Variants in ETNK1 observed in about 807,000 individuals in gnomAD.
ETNK1 encodes the protein putative protein product of Nbla10396.
In ETNK1, 8 loss-of-function variants were observed where a neutral mutation model predicts 45.1. The ratio of observed to expected loss-of-function variants is 0.18; its 90% CI spans 0.10 to 0.32. The LOEUF is 0.32. Ranked by LOEUF, ETNK1 falls within the 10% of genes least tolerant of loss-of-function variation. The pLI is 1.00. For missense variants in ETNK1, 302 were observed against 430.6 expected (o/e 0.70, Z 2.64); for synonymous variants, 152 against 151.9 (o/e 1.00, Z -0.01).
intron 4 of ETNK1, among the ~76,000 whole-genome samples, chr12:22,670,327 C>CT (rs1467324663): frequency 1.3e-5 from 2 of 151,282 alleles, no homozygotes; most frequent in East Asian, 3.9e-4. Flanking sequence ...CCCTGTAAGC[C>CT]TTTGAGTTTG....
rs560711958 is a variant in ETNK1, at chr12:22,655,368, C to T, written c.417-3646C>T. On this transcript the variant is annotated intron_variant, in intron 2 of 7. Coordinates refer to ENST00000266517, the MANE Select transcript of ETNK1 (RefSeq NM_018638.5). Reference sequence around the variant, plus strand: ...TTTTTTTTTTCGAGACGGAGTCTCGCTCTTGTTGCCCAGGCTGGAGTGCAG... The same window carrying T: ...TTTTTTTTTTCGAGACGGAGTCTCGTTCTTGTTGCCCAGGCTGGAGTGCAG... Among the ~76,000 whole-genome samples, 3 of 134,080 alleles carry T rather than the reference C, an allele frequency of 2.2e-5. 1 individual carries two copies. The highest frequency in any genetic ancestry group is 4.6e-4 in the South Asian group (2 of 4,372). The allele number at this position is 134,080 out of a possible 152,430, so 88.0% of individuals were successfully genotyped here. A position where few individuals can be genotyped will look rare whatever the true frequency, so the allele number is the denominator to read the frequency against.
intron 1 of ETNK1, 61 bp from the exon 2 acceptor site, chr12:22,643,702 T>G: frequency 2.1e-6 from 3 of 1,400,956 alleles, no homozygotes; most frequent in Non-Finnish European, 2.9e-6. Context: ...TCAATTTATC[T>G]CCTGTTCTCT....
chr12:22,682,481 A>T (rs1241806509), intron 6 of ETNK1: 1 of 281,302 alleles, frequency 3.6e-6, no homozygotes, highest in Non-Finnish European at 7.2e-6. Context: ...AATTCAACTC[A>T]AAAGTCAGTT....
Position 22,625,284 on chromosome 12 carries a change from C to T in ETNK1, c.-147C>T, listed in dbSNP as rs1255404670. 1 of 1,608,756 alleles carries T rather than the reference C, an allele frequency of 6.2e-7. No homozygotes were observed. The highest frequency in any genetic ancestry group is 1.1e-5 in the South Asian group (1 of 90,610). ...CAACAGTGCCGCCTCCAGACGTTCTCCTGCCGCTCGCCCGCCCGTCCCAGC... is the reference window on the plus strand; with the variant it reads ...CAACAGTGCCGCCTCCAGACGTTCTTCTGCCGCTCGCCCGCCCGTCCCAGC... On this transcript the variant is annotated 5_prime_UTR_variant, in exon 1 of 8. Coordinates refer to ENST00000266517, the MANE Select transcript of ETNK1 (RefSeq NM_018638.5).
intron 1 of ETNK1, 95 bp downstream of exon 1, chr12:22,625,681 G>C (rs1953484012): frequency 2.7e-6 from 4 of 1,494,810 alleles, no homozygotes; most frequent in East Asian, 2.5e-5. Context: ...TGACCGAGGA[G>C]GACCTAGGGC....
chr12:22,679,801 A>G (rs968850808), intron 6 of ETNK1, among the ~76,000 whole-genome samples: 1 of 151,412 alleles, frequency 6.6e-6, no homozygotes, highest in Non-Finnish European at 1.5e-5. Context: ...CCTGGATTCA[A>G]GCAGTTCTCT....
chr12:22,666,473 C>G (rs1954054915), intron 4 of ETNK1, among the ~76,000 whole-genome samples: 2 of 152,092 alleles, frequency 1.3e-5, no homozygotes, highest in African/African-American at 4.8e-5. Context: ...TTCAACTAAT[C>G]ATTTAACTAC....
At chr12:22,655,260 G>A (rs1246693034) in intron 2 of ETNK1, among the ~76,000 whole-genome samples, 2 of 151,880 alleles carry the variant, frequency 1.3e-5, no homozygotes, top group East Asian at 1.9e-4. Context: ...GAGCCACTGC[G>A]CCCGGCCAAC....
intron 6 of ETNK1, among the ~76,000 whole-genome samples, chr12:22,678,487 T>C (rs1287808623): frequency 6.6e-6 from 1 of 152,218 alleles, no homozygotes; most frequent in Non-Finnish European, 1.5e-5. Context: ...ATGATCAAAG[T>C]CTGGTTTCAT....
At chr12:22,655,354 G>A (rs1278606766) in intron 2 of ETNK1, among the ~76,000 whole-genome samples, 1 of 98,284 alleles carries the variant, frequency 1.0e-5, no homozygotes, top group East Asian at 2.6e-4. Flanking sequence ...TTTTTTTTTC[G>A]AGACGGAGTC....
rs200423922 is a variant in ETNK1 at position 22,642,775 on chromosome 12, G to A, written c.157-988G>A. Among the ~76,000 whole-genome samples the A allele has an allele frequency of 6.6e-5, 10 of 151,520 alleles. No homozygotes were observed. The South Asian group carries it at 1.5e-3, about 22-fold the overall frequency. Reference sequence around the variant, plus strand: ...AAAAATGTTCTGAATTCTTGCTTTCGCTTTTCTCTTTTCTTCCTTTGTTCC... The same window carrying A: ...AAAAATGTTCTGAATTCTTGCTTTCACTTTTCTCTTTTCTTCCTTTGTTCC... On this transcript the variant is annotated intron_variant, in intron 1 of 7. Transcript: ENST00000266517.
intron 6 of ETNK1, 138 bp downstream of exon 6, chr12:22,673,798 A>G: frequency 1.2e-6 from 1 of 866,250 alleles, no homozygotes; most frequent in Non-Finnish European, 1.7e-6. Context: ...ATGACCATTT[A>G]CAGTATGCAT....
At chr12:22,627,780 G>A (rs1418338708) in intron 1 of ETNK1, among the ~76,000 whole-genome samples, 3 of 151,692 alleles carry the variant, frequency 2.0e-5, no homozygotes, top group Non-Finnish European at 4.4e-5. Flanking sequence ...TAACATTTTT[G>A]TATGTTTAAG....
intron 1 of ETNK1, among the ~76,000 whole-genome samples, chr12:22,639,746 C>T (rs1461489076): frequency 6.6e-6 from 1 of 151,982 alleles, no homozygotes; most frequent in African/African-American, 2.4e-5. Flanking sequence ...TTTCATATTG[C>T]ATCACATCAG....
chr12:22,684,746 G>A, intron 7 of ETNK1, 136 bp from the exon 8 acceptor site: 3 of 754,982 alleles, frequency 4.0e-6, no homozygotes, highest in Non-Finnish European at 4.3e-6. Context: ...CCAGTAGGTG[G>A]TGCAATAAAC....
intron 1 of ETNK1, among the ~76,000 whole-genome samples, chr12:22,629,713 TGTA>T (rs1437085362): frequency 1.1e-4 from 17 of 152,136 alleles, no homozygotes; most frequent in African/African-American, 4.1e-4. Context: ...GGTAAGCTAA[TGTA>T]GTAAGTTACG....
intron 4 of ETNK1, 73 bp from the exon 5 acceptor site, chr12:22,671,199 A>C: frequency 1.9e-6 from 2 of 1,051,546 alleles, no homozygotes; most frequent in Non-Finnish European, 3.0e-6. Flanking sequence ...AAGCTATTTA[A>C]TTACAAATAG....
At chr12:22,683,365 A>G (rs1232745037) in intron 6 of ETNK1, among the ~76,000 whole-genome samples, 1 of 151,924 alleles carries the variant, frequency 6.6e-6, no homozygotes, top group Non-Finnish European at 1.5e-5. Context: ...AGTGATCACC[A>G]GCCTCCTGAA....
rs749131482 is a variant in ETNK1 at position 22,673,560 on chromosome 12, G to T, written c.845G>T (p.Arg282Leu). Reference sequence around the variant, plus strand: ...AGAGAACTACAGAGTCAGTGGCTGCGTGCTTACCTTGAAGCCTACAAAGAA... The same window carrying T: ...AGAGAACTACAGAGTCAGTGGCTGCTTGCTTACCTTGAAGCCTACAAAGAA... ...PDRELQSQWL[R>L]AYLEAYKEFK... is the part of the protein sequence containing the mutation. The change falls in exon 6 of 8, where the codon CGT becomes CTT. Residue 282 changes from arginine to leucine, a missense_variant. Arg to Leu is a moderately radical substitution (Grantham distance 102, BLOSUM62 -2). Coordinates refer to ENST00000266517, the MANE Select transcript of ETNK1 (RefSeq NM_018638.5). 2 of 1,613,786 alleles carry T rather than the reference G, an allele frequency of 1.2e-6. No homozygotes were observed. Among genetic ancestry groups the T allele is most frequent in the Middle Eastern group, 1.7e-4 (1 of 6,060 alleles).
Sources: allele counts gnomAD v4.1 joint callset (sites outside exome capture counted in the v4.1 genomes callset), GRCh38; gene constraint gnomAD v4.1.1; transcripts MANE v1.5; gene names NCBI Gene and HGNC (gene_info 2026-07-23, HGNC 2026-07-21).